The following RPL12 variants were observed in gnomAD, a reference collection of about 807,000 sequenced individuals.
The protein encoded by RPL12 is large ribosomal subunit protein uL11.
RPL12 carries 10 observed loss-of-function variants against 24.5 expected under a neutral mutation model. The ratio of observed to expected loss-of-function variants is 0.41; its 90% confidence interval spans 0.25 to 0.69. RPL12 has a LOEUF of 0.69. Ranked by LOEUF, RPL12 falls within the 30% of genes least tolerant of loss-of-function variation. The pLI is 0.33. For synonymous variants in RPL12, 74 were observed against 76.1 expected (o/e 0.97, Z 0.14); for missense variants, 137 against 205.3 (o/e 0.67, Z 2.03).
Position 127,449,368 on chromosome 9 carries a change from G to A in RPL12, c.211-6C>T, listed in dbSNP as rs375415472. 12 of 1,606,822 alleles carry A rather than the reference G, an allele frequency of 7.5e-6. No homozygotes were observed. In the East Asian group the frequency reaches 2.5e-4, roughly 33 times the overall value. On this transcript the variant is annotated splice_region_variant and splice_polypyrimidine_tract_variant and intron_variant, in intron 3 of 6. Coordinates refer to ENST00000361436, the MANE Select transcript of RPL12 (RefSeq NM_000976.4). ...GCAGAAGGCACCACCTCAATCTGCA[G>A]AAGAGATTCCTGAGTGAATACTCCA...
At chr9:127,450,212 T>C (rs1452622036) in intron 2 of RPL12, 1 of 171,396 alleles carries the variant, frequency 5.8e-6, no homozygotes, top group Non-Finnish European at 1.3e-5. Context: ...AGGGGAGCAC[T>C]GTGCAAGGAT....
At chr9:127,451,049 C>T (rs946699241) in intron 1 of RPL12, 4 of 662,314 alleles carry the variant, frequency 6.0e-6, no homozygotes, top group Non-Finnish European at 1.0e-5. Flanking sequence ...ACAAGCCTTA[C>T]CCTAGGGCGT....
Position 127,448,003 on chromosome 9 carries a change from A to G in RPL12, c.380-14T>C, listed in dbSNP as rs1426602759. The G allele has an allele frequency of 3.1e-6, 5 of 1,595,174 alleles. No homozygotes were observed. The African/African-American group carries it at 6.8e-5, about 22-fold the overall frequency. On this transcript the variant is annotated splice_polypyrimidine_tract_variant and intron_variant, in intron 5 of 6. Transcript: ENST00000361436. ...CTTTAATGGTTCCTTTAAGTAAAGA[A>G]ATGGTGGCATTGGAGGTGCTGGCTC...
chr9:127,451,322 G>A lies in RPL12; in HGVS notation c.-5C>T, dbSNP rs3808834. On this transcript the variant is annotated 5_prime_UTR_variant, in exon 1 of 7. Coordinates refer to ENST00000361436, the MANE Select transcript of RPL12 (RefSeq NM_000976.4). ...GGGGTCGAACTTCGGCGGCATGGTG[G>A]AGGCGGCTGGTGTCGGATGAACCCG... is the stretch of plus-strand genomic sequence containing the variant. 1,139 of 1,612,434 alleles carry A rather than the reference G, an allele frequency of 7.1e-4. 26 individuals carry two copies. The East Asian group carries it at 0.025, about 35-fold the overall frequency.
chr9:127,447,690 T>C lies in RPL12; in HGVS notation c.*31A>G. 1 of 1,613,160 alleles carries C rather than the reference T, an allele frequency of 6.2e-7. No homozygotes were observed. Among genetic ancestry groups the C allele is most frequent in the Non-Finnish European group, 8.5e-7 (1 of 1,179,644 alleles). On this transcript the variant is annotated 3_prime_UTR_variant, in exon 7 of 7. Coordinates refer to ENST00000361436, the MANE Select transcript of RPL12 (RefSeq NM_000976.4). Reference sequence around the variant, plus strand: ...ACCAGAAAATCCACCAGTTGTCAAATGATCCTTTATTGAAATGTTTTCCTT... The same window carrying C: ...ACCAGAAAATCCACCAGTTGTCAAACGATCCTTTATTGAAATGTTTTCCTT...
intron 2 of RPL12, chr9:127,450,452 C>G (rs1834269905): frequency 4.8e-6 from 2 of 414,942 alleles, no homozygotes; most frequent in Non-Finnish European, 8.6e-6. Flanking sequence ...CCCAATGTCT[C>G]TAAGCCAGTC....
At chr9:127,449,409 G>T in intron 3 of RPL12, 47 bp from the exon 4 acceptor site, 1 of 1,532,564 alleles carries the variant, frequency 6.5e-7, no homozygotes, top group Non-Finnish European at 9.0e-7. Flanking sequence ...AGTGAATACT[G>T]CCATGCACGC....
chr9:127,448,232 A>G, intron 5 of RPL12, 105 bp downstream of exon 5: 1 of 1,060,648 alleles, frequency 9.4e-7, no homozygotes, highest in Non-Finnish European at 1.5e-6. Flanking sequence ...AGAAAACTGC[A>G]CCCCATCTTG....
chr9:127,451,065 C>T (rs921476389), intron 1 of RPL12: 3 of 690,004 alleles, frequency 4.3e-6, no homozygotes, highest in Non-Finnish European at 7.1e-6. Context: ...GGCGTGCGGG[C>T]TCCCAAGCCG....
rs906538136 is a variant in RPL12, at chr9:127,449,453, A to C, written c.211-91T>G. The C allele has an allele frequency of 1.6e-5, 22 of 1,375,274 alleles. No individual in the cohort carries two copies. The Admixed American group carries it at 4.1e-4, about 25-fold the overall frequency. The allele number at this position is 1,375,274 out of a possible 1,614,324, so 85.2% of individuals were successfully genotyped here. On this transcript the variant is annotated intron_variant, in intron 3 of 6. Transcript: ENST00000361436. The stretch of plus-strand genomic sequence containing the variant: ...AAAAATCATGGCCACACACTGTCCA[A>C]GTCTTTGCCCTAGGTCCGTACTCTT...
intron 4 of RPL12, 140 bp from the exon 5 acceptor site, chr9:127,448,563 G>A (rs1324887939): frequency 6.5e-6 from 5 of 773,744 alleles, no homozygotes; most frequent in Non-Finnish European, 1.2e-5. Flanking sequence ...TTCCTAAGCT[G>A]GGGTTTACTA....
intron 5 of RPL12, 70 bp downstream of exon 5, chr9:127,448,267 A>G (rs1020820039): frequency 7.8e-7 from 1 of 1,286,386 alleles, no homozygotes; most frequent in Non-Finnish European, 1.1e-6. Context: ...CCCTTCAAGT[A>G]AGAAGAATGT....
intron 1 of RPL12, 132 bp downstream of exon 1, chr9:127,451,149 G>C: frequency 8.0e-7 from 1 of 1,245,322 alleles, no homozygotes. Flanking sequence ...AGGCTTGGCC[G>C]GGGCGGCGCA....
Position 127,449,666 on chromosome 9 carries a change from C to A in RPL12, c.154G>T (p.Asp52Tyr). Residue 52 changes from aspartate (D) to tyrosine (Y), a missense_variant, in exon 3 of 7, where the codon GAC becomes TAC. Asp to Tyr is a radical substitution (Grantham distance 160). Around this residue, in one of 3 missense-constraint regions of RPL12, gnomAD observed 118 missense variants for 160.7 expected, o/e 0.73. Transcript: ENST00000361436. Reference protein sequence around the residue: ...VGDDIAKATGDWKGLRITVKL... With the variant: ...VGDDIAKATGYWKGLRITVKL... ...ACTGTAATCCTCAGGCCCTTCCAGT[C>A]ACCCGTTGCCTTGGCAATGTCATCA... 1 of 1,614,120 alleles carries A rather than the reference C, an allele frequency of 6.2e-7. No individual in the cohort carries two copies. Among genetic ancestry groups the A allele is most frequent in the Non-Finnish European group, 8.5e-7 (1 of 1,180,002 alleles).
rs1834310974 is a variant in RPL12 at position 127,451,375 on chromosome 9, C to A, written c.-58G>T. On this transcript the variant is annotated 5_prime_UTR_variant, in exon 1 of 7. Coordinates refer to ENST00000361436, the MANE Select transcript of RPL12 (RefSeq NM_000976.4). ...TTCGGGACGACCGAAGGAAGTTGCACCTTGGCCTCCTCCGAGCCGAAAGCC... is the reference window on the plus strand; with the variant it reads ...TTCGGGACGACCGAAGGAAGTTGCAACTTGGCCTCCTCCGAGCCGAAAGCC... 1 of 1,605,438 alleles carries A rather than the reference C, an allele frequency of 6.2e-7. No homozygotes were observed. The highest frequency in any genetic ancestry group is 1.1e-5 in the South Asian group (1 of 90,622).
intron 1 of RPL12, 38 bp from the exon 2 acceptor site, chr9:127,450,842 G>A (rs759431844): frequency 3.5e-6 from 5 of 1,438,502 alleles, no homozygotes; most frequent in Non-Finnish European, 4.7e-6. Flanking sequence ...TGCAGAGGGA[G>A]CCCCGAGCCA....
At chr9:127,450,551 C>T (rs894034411) in intron 2 of RPL12, 180 bp downstream of exon 2, 18 of 548,792 alleles carry the variant, frequency 3.3e-5, no homozygotes, top group Middle Eastern at 2.8e-4. Flanking sequence ...TTTAAAGGCA[C>T]CAGGTTCGAT....
At chr9:127,451,258 C>G (rs754309449) in intron 1 of RPL12, 23 bp downstream of exon 1, 1 of 1,611,782 alleles carries the variant, frequency 6.2e-7, no homozygotes, top group Non-Finnish European at 8.5e-7. Context: ...TCCCGCAGCC[C>G]CGGCCACAAC....
At chr9:127,449,059 T>TC (rs1490586856) in intron 4 of RPL12, 1 of 463,294 alleles carries the variant, frequency 2.2e-6, no homozygotes, top group Non-Finnish European at 4.0e-6. Flanking sequence ...ACTCCTGATC[T>TC]CAACTGATCC....
Sources: allele counts gnomAD v4.1 joint callset, GRCh38; gene constraint gnomAD v4.1.1; regional missense constraint gnomAD v4.1.1; transcripts MANE v1.5; gene names NCBI Gene and HGNC (gene_info 2026-07-23, HGNC 2026-07-21).